PRKCE: variants seen among roughly 807,000 people sequenced by gnomAD.
PRKCE encodes protein kinase C epsilon type.
In PRKCE, 16 loss-of-function variants were observed where a neutral mutation model predicts 85.4. The ratio of observed to expected loss-of-function variants is 0.19; its 90% CI spans 0.13 to 0.28. The LOEUF (loss-of-function observed/expected upper bound fraction) is 0.28, where lower values mean the gene tolerates loss of function less well. PRKCE is among the 10% of genes least tolerant of loss of function. The pLI, the probability that PRKCE is intolerant of heterozygous loss-of-function variation, is 1.00. For synonymous variants in PRKCE, 388 were observed against 371.5 expected, an observed-to-expected ratio of 1.04 and a Z score of -0.51; for missense variants, 573 against 975.2, an observed-to-expected ratio of 0.59 and a Z score of 5.49.
At chr2:46,046,320 C>T (rs1159753513) in intron 10 of PRKCE, among the ~76,000 whole-genome samples, 1 of 152,218 alleles carries the variant, frequency 6.6e-6, no homozygotes. Context: ...GGCTCTGGGG[C>T]CTGCCCTACC....
chr2:45,807,711 C>T (rs573325136), intron 1 of PRKCE, among the ~76,000 whole-genome samples: 4 of 152,218 alleles, frequency 2.6e-5, no homozygotes, highest in Non-Finnish European at 4.4e-5. Context: ...TCAGCCTCAC[C>T]TGGAAACTTG....
chr2:46,178,176 C>G (rs573633203), intron 14 of PRKCE, among the ~76,000 whole-genome samples: 2 of 152,338 alleles, frequency 1.3e-5, no homozygotes, highest in South Asian at 4.1e-4. Context: ...AGAAGAATTG[C>G]TTGAACCCGG....
At chr2:45,901,366 G>C (rs1696570838) in intron 2 of PRKCE, among the ~76,000 whole-genome samples, 1 of 152,176 alleles carries the variant, frequency 6.6e-6, no homozygotes, top group African/African-American at 2.4e-5. Context: ...TTTTCATCTA[G>C]GTAAGGTATT....
chr2:45,692,982 A>G (rs950816888), intron 1 of PRKCE, among the ~76,000 whole-genome samples: 1 of 152,140 alleles, frequency 6.6e-6, no homozygotes, highest in Non-Finnish European at 1.5e-5. Context: ...AACAATGTGT[A>G]AGGGAAGGAT....
rs1420122924 is a variant in PRKCE, at chr2:45,744,455, TTC to T, written c.348+92009_348+92010del. On this transcript the variant is annotated intron_variant, in intron 1 of 14. Transcript: ENST00000306156. ...TTTCTTTCTTTCTTTCTTTCTTTCT[TTC>T]TTTCTTTCTTTCTTTCTTTCTTTCT... Among the ~76,000 whole-genome samples, 57 of 59,654 alleles carry T rather than the reference TTC, an allele frequency of 9.6e-4. No homozygotes were observed. In the South Asian group the frequency reaches 0.011, roughly 12 times the overall value. The allele number at this position is 59,654 out of a possible 152,430, so 39.1% of individuals were successfully genotyped here.
At chr2:46,053,667 G>A (rs1708995057) in intron 10 of PRKCE, among the ~76,000 whole-genome samples, 1 of 152,062 alleles carries the variant, frequency 6.6e-6, no homozygotes, top group Non-Finnish European at 1.5e-5. Flanking sequence ...CCATGTTGTG[G>A]CATGTGTCAT....
rs960395673 is a variant in PRKCE at position 46,043,105 on chromosome 2, T to TTG, written c.1437+32589_1437+32590insGT. Among the ~76,000 whole-genome samples, 5 of 19,474 alleles carry TTG rather than the reference T, an allele frequency of 2.6e-4. No homozygotes were observed. In the African/African-American group the frequency reaches 0.015, roughly 58 times the overall value. The allele number at this position is 19,474 out of a possible 152,430, so 12.8% of individuals were successfully genotyped here. A position where few individuals can be genotyped will look rare whatever the true frequency, so the allele number is the denominator to read the frequency against. On this transcript the variant is annotated intron_variant, in intron 10 of 14. Coordinates refer to ENST00000306156, the MANE Select transcript of PRKCE (RefSeq NM_005400.3). The stretch of plus-strand genomic sequence containing the variant: ...CTTTGTAGGGCCTTCAGAAAAACAG[T>TTG]TTTTTTTTTTCAAGGTGTTCTGTAA...
Position 45,652,456 on chromosome 2 carries a change from C to A in PRKCE, c.348+8C>A. ...CGCCACTTCGAGGACTGGGTGAGTG[C>A]GGCGCCTCCCCGTCATTCCGGGAAC... On this transcript the variant is annotated splice_region_variant and intron_variant, in intron 1 of 14. Coordinates refer to ENST00000306156, the MANE Select transcript of PRKCE (RefSeq NM_005400.3). This position sits in a 1 kb window ranked among gnomAD's most constrained non-coding sequence, Gnocchi z 7.7. 1 of 1,598,006 alleles carries A rather than the reference C, an allele frequency of 6.3e-7. No homozygotes were observed. The highest frequency in any genetic ancestry group is 2.2e-5 in the East Asian group (1 of 44,654).
At chr2:45,665,094 C>G (rs1028289161) in intron 1 of PRKCE, among the ~76,000 whole-genome samples, 8 of 152,220 alleles carry the variant, frequency 5.3e-5, no homozygotes, top group African/African-American at 1.7e-4. Context: ...ACTGTACTCT[C>G]AGTGAGGAAA....
chr2:45,955,211 A>C (rs1012112983), intron 2 of PRKCE, among the ~76,000 whole-genome samples: 7 of 152,210 alleles, frequency 4.6e-5, no homozygotes, highest in Non-Finnish European at 4.4e-5. Flanking sequence ...TGATATCGAA[A>C]GGTTTCATGG....
At chr2:45,841,750 C>A (rs925510690) in intron 1 of PRKCE, among the ~76,000 whole-genome samples, 2 of 152,182 alleles carry the variant, frequency 1.3e-5, no homozygotes, top group Non-Finnish European at 2.9e-5. Context: ...AGATGAGGGG[C>A]TAATTAATTC....
rs76254154 is a variant in PRKCE at position 45,713,806 on chromosome 2, T to G, written c.348+61358T>G. Among the ~76,000 whole-genome samples, 449 of 152,328 alleles carry G rather than the reference T, an allele frequency of 2.9e-3. 4 individuals are homozygous for G. The highest frequency in any genetic ancestry group is 0.01 in the African/African-American group (429 of 41,566). On this transcript the variant is annotated intron_variant, in intron 1 of 14. Coordinates refer to ENST00000306156, the MANE Select transcript of PRKCE (RefSeq NM_005400.3). ...TAGATCTGGATTTGCAGGCATTCCA[T>G]TTATGGGCACCTGTTTCAGAAGTAG...
intron 11 of PRKCE, among the ~76,000 whole-genome samples, chr2:46,136,761 C>G: frequency 6.6e-6 from 1 of 152,146 alleles, no homozygotes; most frequent in East Asian, 1.9e-4. Flanking sequence ...TGCTTTCTTC[C>G]CTGGGAACTT....
chr2:46,159,650 G>T lies in PRKCE; in HGVS notation c.1965G>T (p.Ser655=), dbSNP rs201293478. 6.3e-7 allele frequency: 1 copy of T among 1,599,266 alleles called. No individual in the cohort carries two copies. The highest frequency in any genetic ancestry group is 8.5e-7 in the Non-Finnish European group (1 of 1,179,774). Residue 655 remains serine (S), a synonymous_variant, in exon 14 of 15, where the codon TCG becomes TCT. Transcript: ENST00000306156. This position sits in a 1 kb window ranked among gnomAD's most constrained non-coding sequence, Gnocchi z 4.1. ...ACAAGCGCCTGGGCTGTGTGGCATCGCAGAATGGCGAGGACGCCATCAAGC... is the reference window on the plus strand; with the variant it reads ...ACAAGCGCCTGGGCTGTGTGGCATCTCAGAATGGCGAGGACGCCATCAAGC... The part of the protein sequence containing the change: ...NPHKRLGCVA[S]QNGEDAIKQH...
Position 45,652,151 on chromosome 2 carries a change from C to T in PRKCE, c.51C>T (p.Ser17=). The T allele has an allele frequency of 6.2e-7, 1 of 1,608,066 alleles. No individual in the cohort carries two copies. The highest frequency in any genetic ancestry group is 8.5e-7 in the Non-Finnish European group (1 of 1,177,160). ...LLKIKICEAV[S]LKPTAWSLRH... ...AGATCAAAATCTGCGAGGCCGTGAG[C>T]TTGAAGCCCACAGCCTGGTCGCTGC... The change falls in exon 1 of 15, where the codon AGC becomes AGT. Residue 17 remains serine, a synonymous_variant. Coordinates refer to ENST00000306156, the MANE Select transcript of PRKCE (RefSeq NM_005400.3). The surrounding 1 kb of genome is among the most constrained non-coding windows in gnomAD (Gnocchi z 7.7).
chr2:46,035,498 C>A (rs1469573095), intron 10 of PRKCE, among the ~76,000 whole-genome samples: 1 of 152,228 alleles, frequency 6.6e-6, no homozygotes, highest in Non-Finnish European at 1.5e-5. Flanking sequence ...CACCTCATAA[C>A]TCCCCTCTTT....
At chr2:46,172,246 T>A (rs1485291960) in intron 14 of PRKCE, among the ~76,000 whole-genome samples, 1 of 152,196 alleles carries the variant, frequency 6.6e-6, no homozygotes, top group Non-Finnish European at 1.5e-5. Context: ...CCCCAGGCAC[T>A]GCCAGCCTCT....
chr2:46,143,474 A>G (rs1675760695), intron 11 of PRKCE, among the ~76,000 whole-genome samples: 1 of 152,116 alleles, frequency 6.6e-6, no homozygotes, highest in African/African-American at 2.4e-5. Flanking sequence ...GACAATGTTA[A>G]AGACCTTCTA....
Position 46,085,736 on chromosome 2 carries a change from G to GTT in PRKCE, c.1438-461_1438-460dup, listed in dbSNP as rs1170933914. Among the ~76,000 whole-genome samples, 142 of 104,552 alleles carry GTT rather than the reference G, an allele frequency of 1.4e-3. 15 individuals carry two copies. Among genetic ancestry groups the GTT allele is most frequent in the African/African-American group, 2.5e-3 (57 of 22,944 alleles). The allele number at this position is 104,552 out of a possible 152,430, so 68.6% of individuals were successfully genotyped here. On this transcript the variant is annotated intron_variant, in intron 10 of 14. Transcript: ENST00000306156. ...TCACTTAATTACATCTGCAAAATCC[G>GTT]TTTTTTTTTTTTGTTTTTGTTTTTT...
Sources: gnomAD v4.1 joint callset for allele counts (sites outside exome capture counted in the v4.1 genomes callset) on GRCh38, gnomAD v4.1.1 for gene constraint, Gnocchi (gnomAD v3.1) non-coding constraint, MANE v1.5 for transcripts, NCBI Gene and HGNC (gene_info 2026-07-23, HGNC 2026-07-21) for gene names.